The following SREBF1 variants were observed in gnomAD, a reference collection of about 807,000 sequenced individuals.
SREBF1 encodes sterol regulatory element-binding protein 1.
Under a neutral mutation model 100.1 loss-of-function variants are expected in SREBF1, and 45 were observed. The observed-to-expected ratio is 0.45, with a 90% confidence interval of 0.35 to 0.58. The LOEUF (loss-of-function observed/expected upper bound fraction) is 0.58. Among genes scored for constraint, SREBF1 ranks in the 20% least tolerant of loss-of-function variants. The pLI, the probability that SREBF1 is intolerant of heterozygous loss-of-function variation, is 0.00. For synonymous variants in SREBF1, 657 were observed against 681.8 expected (o/e 0.96, Z 0.57); for missense variants, 1,324 against 1,539.4 (o/e 0.86, Z 2.34).
chr17:17,814,668 A>G lies in SREBF1; in HGVS notation c.2682T>C (p.Ala894=), dbSNP rs1284540250. 1.9e-6 allele frequency: 3 copies of G among 1,572,012 alleles called. No homozygotes were observed. The Admixed American group carries it at 5.4e-5, about 28-fold the overall frequency. Residue 894 remains alanine, a synonymous_variant, in exon 15 of 19, where the codon GCT becomes GCC. Coordinates refer to ENST00000261646, the MANE Select transcript of SREBF1 (RefSeq NM_004176.5). ...GCTCCACCAGCGGGCACAGCCGCTC[A>G]GCCGCCTCCTCATCCCGCCGCAGCC... is the stretch of plus-strand genomic sequence containing the variant. The part of the protein sequence containing the change: ...IHWLRRDEEA[A]ERLCPLVEHL...
Position 17,816,637 on chromosome 17 carries a change from G to A in SREBF1, c.1867C>T (p.Leu623=), listed in dbSNP as rs1026262679. The A allele has an allele frequency of 1.9e-6, 3 of 1,599,140 alleles. No individual in the cohort carries two copies. The highest frequency in any genetic ancestry group is 3.5e-5 in the Admixed American group (2 of 57,392). The change falls in exon 10 of 19, where the codon CTG becomes TTG. Residue 623 remains leucine (L), a synonymous_variant. Transcript: ENST00000261646. ...AGGTTCCAGAGGAGGCTACAAGCCA[G>A]GTCCAGGTGGGAGGTGGGCAGGGGC... ...GRPLPTSHLD[L]ACSLLWNLIR...
At chr17:17,825,757 G>T (rs535598849) in intron 1 of SREBF1, among the ~76,000 whole-genome samples, 2 of 151,912 alleles carry the variant, frequency 1.3e-5, no homozygotes, top group Admixed American at 6.6e-5. Context: ...ACAGGTGTGC[G>T]CCACCACACC....
Position 17,819,571 on chromosome 17 carries a change from C to A in SREBF1, c.678G>T (p.Thr226=). ...VTAAPTAAPV[T]TTVTSQIQQV... is the part of the protein sequence containing the mutation. ...GCTGGATCTGCGAGGTCACAGTGGT[C>A]GTTACAGGGGCTGCCGTGGGGGCAG... Residue 226 remains threonine, a synonymous_variant, in exon 3 of 19, where the codon ACG becomes ACT. Transcript: ENST00000261646. The A allele has an allele frequency of 6.2e-7, 1 of 1,613,780 alleles. No homozygotes were observed. Among genetic ancestry groups the A allele is most frequent in the South Asian group, 1.1e-5 (1 of 91,064 alleles).
chr17:17,818,539 C>A lies in SREBF1; in HGVS notation c.1069-165G>T. 4.6e-6 allele frequency: 3 copies of A among 650,854 alleles called. No homozygotes were observed. The South Asian group carries it at 5.0e-5, about 11-fold the overall frequency. The allele number at this position is 650,854 out of a possible 1,614,324, so 40.3% of individuals were successfully genotyped here. A position where few individuals can be genotyped will look rare whatever the true frequency, so the allele number is the denominator to read the frequency against. Reference sequence around the variant, plus strand: ...CTGAACCGTTCCTCGCCTAGTAGCACCCACCTCCCAGGCCGGGCATAGGGT... The same window carrying A: ...CTGAACCGTTCCTCGCCTAGTAGCAACCACCTCCCAGGCCGGGCATAGGGT... On this transcript the variant is annotated intron_variant, in intron 5 of 18. Coordinates refer to ENST00000261646, the MANE Select transcript of SREBF1 (RefSeq NM_004176.5).
rs760698272 is a variant in SREBF1, at chr17:17,824,871, C to A, written c.92-4350G>T. ...TCTCTCTCGCAACCTGTCCTCGCCACCGCCGTCCAGCCCAGGCCCTTATTT... is the reference window on the plus strand; with the variant it reads ...TCTCTCTCGCAACCTGTCCTCGCCAACGCCGTCCAGCCCAGGCCCTTATTT... On this transcript the variant is annotated intron_variant, in intron 1 of 18. Coordinates refer to ENST00000261646, the MANE Select transcript of SREBF1 (RefSeq NM_004176.5). This position sits in a 1 kb window ranked among gnomAD's most constrained non-coding sequence, Gnocchi z 4.2. Among the ~76,000 whole-genome samples, 3 of 152,188 alleles carry A rather than the reference C, an allele frequency of 2.0e-5. No individual in the cohort carries two copies. The highest frequency in any genetic ancestry group is 4.4e-5 in the Non-Finnish European group (3 of 68,026).
intron 1 of SREBF1, among the ~76,000 whole-genome samples, chr17:17,832,326 A>T (rs1173076549): frequency 1.1e-4 from 16 of 152,126 alleles, no homozygotes; most frequent in Admixed American, 9.8e-4. Flanking sequence ...TTCTGTTCAC[A>T]TTACGATCCT....
intron 1 of SREBF1, chr17:17,823,679 AGCCCCGCCCCAGCCCC>A (rs2034285213): frequency 1.0e-6 from 1 of 997,502 alleles, no homozygotes; most frequent in East Asian, 4.3e-5. Flanking sequence ...CCCCGCCCCC[AGCCCCGCCCCAGCCCC>A]GCCCCGCCTG....
intron 1 of SREBF1, among the ~76,000 whole-genome samples, chr17:17,826,731 T>C (rs2034513585): frequency 6.6e-6 from 1 of 152,128 alleles, no homozygotes; most frequent in Admixed American, 6.5e-5. Flanking sequence ...AGTTCTACCT[T>C]CAAACCTCTC....
chr17:17,814,546 G>A, intron 15 of SREBF1, 69 bp downstream of exon 15: 1 of 1,535,708 alleles, frequency 6.5e-7, no homozygotes, highest in Non-Finnish European at 8.7e-7. Context: ...GGCTGAGTGA[G>A]GCACAGTGCC....
chr17:17,817,296 G>A lies in SREBF1; in HGVS notation c.1566C>T (p.Tyr522=), dbSNP rs748011956. 2 of 1,607,462 alleles carry A rather than the reference G, an allele frequency of 1.2e-6. No homozygotes were observed. The highest frequency in any genetic ancestry group is 1.7e-5 in the Admixed American group (1 of 58,750). Residue 522 remains tyrosine, a synonymous_variant, in exon 8 of 19, where the codon TAC becomes TAT. Transcript: ENST00000261646. The surrounding 1 kb of genome is among the most constrained non-coding windows in gnomAD (Gnocchi z 6.6). ...LPSPSDTTSV[Y]HSPGRNVLGT... Reference sequence around the variant, plus strand: ...CCAGCACGTTGCGCCCAGGGCTATGGTAGACGCTGGTGGTATCTGAGGGGC... The same window carrying A: ...CCAGCACGTTGCGCCCAGGGCTATGATAGACGCTGGTGGTATCTGAGGGGC...
rs1234262452 is a variant in SREBF1, at chr17:17,824,953, C to T, written c.92-4432G>A. Among the ~76,000 whole-genome samples, 1 of 152,208 alleles carries T rather than the reference C, an allele frequency of 6.6e-6. No individual in the cohort carries two copies. Among genetic ancestry groups the T allele is most frequent in the Admixed American group, 6.5e-5 (1 of 15,288 alleles). ...GGCCTCTCTAGCATGGCCCAACCCT[C>T]CCCTCAGCCCGCGGGTGTTCCCTCA... On this transcript the variant is annotated intron_variant, in intron 1 of 18. Transcript: ENST00000261646. The surrounding 1 kb of genome is among the most constrained non-coding windows in gnomAD (Gnocchi z 4.2).
rs573803122 is a variant in SREBF1 at position 17,813,714 on chromosome 17, C to T, written c.2957G>A (p.Arg986Gln). The change falls in exon 17 of 19, where the codon CGG (arginine) becomes CAG (glutamine). Residue 986 changes from arginine (R) to glutamine (Q), a missense_variant. Coordinates refer to ENST00000261646, the MANE Select transcript of SREBF1 (RefSeq NM_004176.5). Reference sequence around the variant, plus strand: ...GGCCGGGGCCGGGGGCTGCTGCTGCCGCCACAGGCTGGTGCGCACCACAAG... The same window carrying T: ...GGCCGGGGCCGGGGGCTGCTGCTGCTGCCACAGGCTGGTGCGCACCACAAG... The part of the protein sequence containing the change: ...LLLVVRTSLW[R>Q]QQQPPAPAPA... 84 of 1,536,588 alleles carry T rather than the reference C, an allele frequency of 5.5e-5. No homozygotes were observed. Among genetic ancestry groups the T allele is most frequent in the African/African-American group, 4.6e-4 (34 of 73,160 alleles).
chr17:17,823,496 G>T, intron 1 of SREBF1: 1 of 1,570,736 alleles, frequency 6.4e-7, no homozygotes, highest in South Asian at 1.1e-5. Context: ...TAAAGGGCTG[G>T]TGGGGAGGCC....
At chr17:17,823,566 C>CAAG (rs1180415438) in intron 1 of SREBF1, 2 of 1,613,270 alleles carry the variant, frequency 1.2e-6, no homozygotes, top group Non-Finnish European at 1.7e-6. Context: ...GCCCTTGGGG[C>CAAG]GTCCAGGCCG....
At position 17,834,025 on chromosome 17, in the gene SREBF1, C is replaced by CAGAGAGAGAGAGAGAGAGAG. The variant is rs113396102; in HGVS notation, c.91+2701_91+2702insCTCTCTCTCTCTCTCTCTCT. Among the ~76,000 whole-genome samples the CAGAGAGAGAGAGAGAGAGAG allele has an allele frequency of 2.9e-3, 429 of 147,566 alleles. 3 individuals are homozygous for CAGAGAGAGAGAGAGAGAGAG. Among genetic ancestry groups the CAGAGAGAGAGAGAGAGAGAG allele is most frequent in the African/African-American group, 8.8e-3 (344 of 39,274 alleles). On this transcript the variant is annotated intron_variant, in intron 1 of 18. Transcript: ENST00000261646. ...ACCCATCCCCAAACACATATAAACA[C>CAGAGAGAGAGAGAGAGAGAG]ACAGAGAGAGAGAGAGAGAGAGAAG...
intron 1 of SREBF1, chr17:17,823,714 G>T (rs1305810181): frequency 2.4e-6 from 1 of 413,798 alleles, no homozygotes; most frequent in East Asian, 1.5e-4. Context: ...TGCAGGTCCC[G>T]CCCCGCCCCG....
At chr17:17,829,279 C>CACAT (rs1567990113) in intron 1 of SREBF1, among the ~76,000 whole-genome samples, 5 of 140,210 alleles carry the variant, frequency 3.6e-5, no homozygotes, top group African/African-American at 1.5e-4. Context: ...CACACACACA[C>CACAT]ATATATATAT....
chr17:17,821,144 C>CACACAT (rs1555571681), intron 1 of SREBF1, among the ~76,000 whole-genome samples: 1 of 108,014 alleles, frequency 9.3e-6, no homozygotes, highest in Non-Finnish European at 2.1e-5. Flanking sequence ...CCTCTGAGTC[C>CACACAT]ACACACATAC....
intron 1 of SREBF1, among the ~76,000 whole-genome samples, chr17:17,823,071 GA>G (rs1362683618): frequency 6.6e-6 from 1 of 152,204 alleles, no homozygotes; most frequent in Non-Finnish European, 1.5e-5. Flanking sequence ...ACTGAGGCCT[GA>G]AAGAAAAACT....
Sources: gnomAD v4.1 joint callset for allele counts (sites outside exome capture counted in the v4.1 genomes callset) on GRCh38, gnomAD v4.1.1 for gene constraint, Gnocchi (gnomAD v3.1) non-coding constraint, MANE v1.5 for transcripts, NCBI Gene and HGNC (gene_info 2026-07-23, HGNC 2026-07-21) for gene names.